ZNF428: variants seen among roughly 807,000 people sequenced by gnomAD.
The protein encoded by ZNF428 is zinc finger protein 428.
ZNF428 carries 5 observed loss-of-function variants against 15.6 expected under a neutral mutation model. That is an observed-to-expected ratio of 0.32 (90% confidence interval 0.17 to 0.67). ZNF428 has a LOEUF of 0.67. ZNF428 is among the 30% of genes least tolerant of loss of function. The pLI is 0.73. For synonymous variants in ZNF428, 97 were observed against 102.2 expected (o/e 0.95, Z 0.31); for missense variants, 237 against 256.0 (o/e 0.93, Z 0.51).
chr19:43,613,292 CA>C (rs1973324850), intron 2 of ZNF428: 2 of 1,551,468 alleles, frequency 1.3e-6, no homozygotes, highest in Non-Finnish European at 1.7e-6. Context: ...TGGTCGCAGT[CA>C]ATCAGGAAGC....
In ZNF428 at chr19:43,612,763, C is replaced by CAGT; in HGVS notation, c.76+1463_76+1465dup. ...GGAGTTCCGAGCTGGCTGTAACTCC[C>CAGT]AGTACAGCCAAGTGTCAAACCCCGA... On this transcript the variant is annotated intron_variant, in intron 2 of 2. Coordinates refer to ENST00000300811, the MANE Select transcript of ZNF428 (RefSeq NM_182498.4). This position sits in a 1 kb window ranked among gnomAD's most constrained non-coding sequence, Gnocchi z 4.2. 1 of 1,551,642 alleles carries CAGT rather than the reference C, an allele frequency of 6.4e-7. No individual in the cohort carries two copies. The highest frequency in any genetic ancestry group is 8.7e-7 in the Non-Finnish European group (1 of 1,146,996).
chr19:43,609,980 G>A (rs1973278552), intron 2 of ZNF428, among the ~76,000 whole-genome samples: 1 of 152,028 alleles, frequency 6.6e-6, no homozygotes, highest in Admixed American at 6.6e-5. Flanking sequence ...TCCTGCTACT[G>A]CACCCTGTGC....
intron 1 of ZNF428, among the ~76,000 whole-genome samples, chr19:43,615,130 T>C (rs1241300665): frequency 6.6e-6 from 1 of 152,034 alleles, no homozygotes; most frequent in East Asian, 1.9e-4. Context: ...CCTCAAACTG[T>C]GTTTTTCCTC....
At position 43,612,236 on chromosome 19, in the gene ZNF428, A is replaced by C; in HGVS notation, c.76+1993T>G. 1.4e-5 allele frequency: 21 copies of C among 1,551,628 alleles called. No homozygotes were observed. The highest frequency in any genetic ancestry group is 1.7e-5 in the Non-Finnish European group (20 of 1,146,984). ...CTCCTTGAAGTCCACCAAATCAGCA[A>C]CACCCAACAGATCCTTAGTGCCCAC... On this transcript the variant is annotated intron_variant, in intron 2 of 2. Transcript: ENST00000300811. This position sits in a 1 kb window ranked among gnomAD's most constrained non-coding sequence, Gnocchi z 4.2.
intron 2 of ZNF428, chr19:43,613,873 T>C: frequency 1.3e-6 from 2 of 1,551,428 alleles, no homozygotes; most frequent in South Asian, 1.2e-5. Flanking sequence ...GCAGACAATC[T>C]AGAAGCTCCA....
chr19:43,607,828 G>A lies in ZNF428; in HGVS notation c.356C>T (p.Ala119Val). The A allele has an allele frequency of 6.4e-7, 1 of 1,563,554 alleles. No individual in the cohort carries two copies. The highest frequency in any genetic ancestry group is 8.7e-7 in the Non-Finnish European group (1 of 1,153,826). Residue 119 changes from alanine (A) to valine (V), a missense_variant, in exon 3 of 3, where the codon GCC (alanine) becomes GTC (valine). Transcript: ENST00000300811. The surrounding 1 kb of genome is among the most constrained non-coding windows in gnomAD (Gnocchi z 5.1). Reference protein sequence around the residue: ...PPCRLCCPATAPQEAPAPEGR... With the variant: ...PPCRLCCPATVPQEAPAPEGR... Reference sequence around the variant, plus strand: ...TTCAGGGGCTGGTGCTTCCTGGGGGGCTGTAGCAGGGCAGCAGAGCCGGCA... The same window carrying A: ...TTCAGGGGCTGGTGCTTCCTGGGGGACTGTAGCAGGGCAGCAGAGCCGGCA...
rs1391560628 is a variant in ZNF428, at chr19:43,607,568, C to G, written c.*49G>C. The G allele has an allele frequency of 1.3e-6, 2 of 1,529,534 alleles. No homozygotes were observed. The highest frequency in any genetic ancestry group is 1.4e-5 in the African/African-American group (1 of 72,438). The allele number at this position is 1,529,534 out of a possible 1,614,324, so 94.7% of individuals were successfully genotyped here. ...TCACAACCCCAATTTCCTCAGCCCC[C>G]TCCTCCCACCCCACCCCTTCTGCCA... On this transcript the variant is annotated 3_prime_UTR_variant, in exon 3 of 3. Coordinates refer to ENST00000300811, the MANE Select transcript of ZNF428 (RefSeq NM_182498.4). The surrounding 1 kb of genome is among the most constrained non-coding windows in gnomAD (Gnocchi z 5.1).
In ZNF428 at chr19:43,614,318, G is replaced by A; in HGVS notation, c.-14C>T. ...GGTCTCTGTCATGACCGGGGGAGGG[G>A]ACAGGAGACAGGAGCAGAGCAGCAG... On this transcript the variant is annotated 5_prime_UTR_variant, in exon 2 of 3. Coordinates refer to ENST00000300811, the MANE Select transcript of ZNF428 (RefSeq NM_182498.4). 3 of 1,589,994 alleles carry A rather than the reference G, an allele frequency of 1.9e-6. No homozygotes were observed. Among genetic ancestry groups the A allele is most frequent in the Non-Finnish European group, 1.7e-6 (2 of 1,168,268 alleles).
At chr19:43,613,387 G>A (rs1323194586) in intron 2 of ZNF428, 38 of 1,548,632 alleles carry the variant, frequency 2.5e-5, no homozygotes, top group East Asian at 7.4e-5. Flanking sequence ...CCTACAAGGC[G>A]AGAGATCGCA....
intron 2 of ZNF428, chr19:43,613,177 T>A: frequency 6.4e-7 from 1 of 1,551,362 alleles, no homozygotes; most frequent in African/African-American, 1.4e-5. Flanking sequence ...GAGGAAGAAG[T>A]CACAACTGGT....
At position 43,607,822 on chromosome 19, in the gene ZNF428, TG is replaced by T; in HGVS notation, c.361del (p.Gln121ArgfsTer113). ...CCTGCCTTCAGGGGCTGGTGCTTCC[TG>T]GGGGGCTGTAGCAGGGCAGCAGAGC... ...CRLCCPATAP[Q>X]EAPAPEGRAL... On this transcript the variant is annotated frameshift_variant, in exon 3 of 3. Transcript: ENST00000300811. LOFTEE classifies it high-confidence loss of function. This position sits in a 1 kb window ranked among gnomAD's most constrained non-coding sequence, Gnocchi z 5.1. The T allele has an allele frequency of 6.4e-7, 1 of 1,566,490 alleles. No homozygotes were observed. Among genetic ancestry groups the T allele is most frequent in the Non-Finnish European group, 8.7e-7 (1 of 1,155,506 alleles).
At position 43,607,769 on chromosome 19, in the gene ZNF428, G is replaced by A. The variant is rs777173344; in HGVS notation, c.415C>T (p.Pro139Ser). The A allele has an allele frequency of 3.1e-6, 5 of 1,606,028 alleles. No individual in the cohort carries two copies. In the South Asian group the frequency reaches 4.4e-5, roughly 14 times the overall value. The change falls in exon 3 of 3, where the codon CCT becomes TCT. Residue 139 changes from proline to serine, a missense_variant. By Grantham distance (74) the Pro-to-Ser change is moderately conservative. Transcript: ENST00000300811. The surrounding 1 kb of genome is among the most constrained non-coding windows in gnomAD (Gnocchi z 5.1). The part of the protein sequence containing the change: ...RALGEEEEEP[P>S]RAGEGRPAGR... Reference sequence around the variant, plus strand: ...GCTGGTCGGCCCTCCCCAGCCCGAGGTGGTTCCTCCTCTTCCTCCCCGAGG... The same window carrying A: ...GCTGGTCGGCCCTCCCCAGCCCGAGATGGTTCCTCCTCTTCCTCCCCGAGG...
At chr19:43,613,757 A>G in intron 2 of ZNF428, 1 of 1,551,646 alleles carries the variant, frequency 6.4e-7, no homozygotes, top group African/African-American at 1.4e-5. Context: ...GAGAGATCGC[A>G]GCCAATCTAG....
Sources: allele counts gnomAD v4.1 joint callset (sites outside exome capture counted in the v4.1 genomes callset), GRCh38; gene constraint gnomAD v4.1.1; non-coding constraint Gnocchi (gnomAD v3.1); transcripts MANE v1.5; gene names NCBI Gene and HGNC (gene_info 2026-07-23, HGNC 2026-07-21).